Variants in TRIT1 observed in about 807,000 individuals in gnomAD.
TRIT1 encodes tRNA isopentenyltransferase 1.
A neutral mutation model predicts 51.2 loss-of-function variants in TRIT1; 43 were observed. The ratio of observed to expected loss-of-function variants is 0.84; its 90% CI spans 0.66 to 1.08. TRIT1 has a LOEUF of 1.08. Ranked by LOEUF, TRIT1 falls within the 50% of genes least tolerant of loss-of-function variation. TRIT1 has a pLI of 0.00. For synonymous variants in TRIT1, 184 were observed against 203.9 expected, an observed-to-expected ratio of 0.90 and a Z score of 0.83; for missense variants, 528 against 578.4, an observed-to-expected ratio of 0.91 and a Z score of 0.89.
intron 1 of TRIT1, among the ~76,000 whole-genome samples, chr1:39,873,421 C>G (rs1172918287): frequency 6.6e-6 from 1 of 152,064 alleles, no homozygotes; most frequent in Non-Finnish European, 1.5e-5. Flanking sequence ...TGACCAGTAC[C>G]CTTCAAAAGT....
chr1:39,870,658 T>C (rs1420611598), intron 1 of TRIT1, among the ~76,000 whole-genome samples: 4 of 135,352 alleles, frequency 3.0e-5, no homozygotes, highest in African/African-American at 5.3e-5. Context: ...CTGGAAATAA[T>C]ATAGAGATAC....
At chr1:39,852,200 C>A (rs1557543982) in intron 4 of TRIT1, among the ~76,000 whole-genome samples, 3 of 152,006 alleles carry the variant, frequency 2.0e-5, no homozygotes, top group Admixed American at 2.0e-4. Flanking sequence ...GAAAAATAAA[C>A]CTAACATGAG....
At chr1:39,865,574 C>T (rs533282993) in intron 1 of TRIT1, among the ~76,000 whole-genome samples, 47 of 147,338 alleles carry the variant, frequency 3.2e-4, no homozygotes, top group Non-Finnish European at 5.4e-4. Flanking sequence ...TGGTGGCTCA[C>T]GCCTGTAATC....
intron 3 of TRIT1, among the ~76,000 whole-genome samples, chr1:39,853,381 A>AT (rs141647325): frequency 6.7e-6 from 1 of 149,878 alleles, no homozygotes; most frequent in Admixed American, 6.6e-5. Context: ...AATTATACAT[A>AT]TTTTTTTCTT....
chr1:39,846,719 TGAG>T (rs1391452804), intron 8 of TRIT1, among the ~76,000 whole-genome samples: 1 of 152,212 alleles, frequency 6.6e-6, no homozygotes, highest in African/African-American at 2.4e-5. Context: ...GCCAAATCAA[TGAG>T]AATTTCCTTT....
At position 39,838,275 on chromosome 1, in the gene TRIT1, A is replaced by C. The variant is rs1307003601; in HGVS notation, c.*3469T>G. Among the ~76,000 whole-genome samples, 1 of 152,240 alleles carries C rather than the reference A, an allele frequency of 6.6e-6. No homozygotes were observed. The highest frequency in any genetic ancestry group is 1.5e-5 in the Non-Finnish European group (1 of 68,044). On this transcript the variant is annotated 3_prime_UTR_variant, in exon 11 of 11. Coordinates refer to ENST00000316891, the MANE Select transcript of TRIT1 (RefSeq NM_017646.6). ...AGAAATTCCTGCTGGTGGCTATCCC[A>C]AAATTTCTTCATCCTGGTTAAAAAG... is the stretch of plus-strand genomic sequence containing the variant.
At chr1:39,852,985 C>A in intron 3 of TRIT1, 109 bp from the exon 4 acceptor site, 4 of 1,251,672 alleles carry the variant, frequency 3.2e-6, no homozygotes, top group Non-Finnish European at 4.5e-6. Flanking sequence ...GAAGATCTTG[C>A]CATATAGTGA....
chr1:39,860,845 C>T (rs923686280), intron 1 of TRIT1, among the ~76,000 whole-genome samples: 11 of 152,136 alleles, frequency 7.2e-5, no homozygotes, highest in Non-Finnish European at 1.3e-4. Flanking sequence ...TCTGGGAGGC[C>T]GAGGCAGGCA....
At chr1:39,857,540 G>A in intron 1 of TRIT1, 123 bp from the exon 2 acceptor site, 2 of 1,068,906 alleles carry the variant, frequency 1.9e-6, no homozygotes, top group Non-Finnish European at 2.7e-6. Context: ...AAAGCACCAG[G>A]GTAGATGTAT....
intron 1 of TRIT1, among the ~76,000 whole-genome samples, chr1:39,874,979 C>T (rs962680281): frequency 2.6e-5 from 4 of 152,038 alleles, no homozygotes; most frequent in Non-Finnish European, 2.9e-5. Flanking sequence ...CCGCATGTCT[C>T]ATTTTTCTGA....
At chr1:39,860,492 TATA>T (rs1262690551) in intron 1 of TRIT1, among the ~76,000 whole-genome samples, 1 of 152,206 alleles carries the variant, frequency 6.6e-6, no homozygotes, top group Non-Finnish European at 1.5e-5. Flanking sequence ...AATTGGTAAA[TATA>T]ATGCAAATAT....
intron 1 of TRIT1, among the ~76,000 whole-genome samples, chr1:39,860,315 G>T (rs1643161491): frequency 6.6e-6 from 1 of 152,110 alleles, no homozygotes; most frequent in African/African-American, 2.4e-5. Flanking sequence ...TAAAGATGTG[G>T]GTGATACAGA....
At position 39,883,423 on chromosome 1, in the gene TRIT1, T is replaced by C; in HGVS notation, c.69A>G (p.Leu23=). The change falls in exon 1 of 11, where the codon CTA becomes CTG. Residue 23 remains leucine (L), a synonymous_variant. Transcript: ENST00000316891. ...GSGLRGLQRT[L]PLVVILGATG... ...TGGCCCCGAGAATCACTACAAGAGG[T>C]AGGGTCCGTTGCAGGCCCCTGAGCC... 3 of 1,613,534 alleles carry C rather than the reference T, an allele frequency of 1.9e-6. No individual in the cohort carries two copies. Among genetic ancestry groups the C allele is most frequent in the Non-Finnish European group, 2.5e-6 (3 of 1,179,774 alleles).
At chr1:39,846,173 C>T (rs1481862314) in intron 8 of TRIT1, among the ~76,000 whole-genome samples, 2 of 152,210 alleles carry the variant, frequency 1.3e-5, no homozygotes, top group Non-Finnish European at 2.9e-5. Flanking sequence ...AGCCTCTTCA[C>T]ACCAGAACTC....
intron 1 of TRIT1, among the ~76,000 whole-genome samples, chr1:39,876,560 A>ATCTATCTATCTATCTATCTATC (rs1557585424): frequency 3.6e-4 from 43 of 118,074 alleles, no homozygotes; most frequent in African/African-American, 6.6e-4. Flanking sequence ...ATCTATCTAT[A>ATCTATCTATCTATCTATCTATC]TATATATATG....
intron 3 of TRIT1, among the ~76,000 whole-genome samples, chr1:39,853,544 T>C (rs1323414120): frequency 1.3e-5 from 2 of 151,860 alleles, no homozygotes. Context: ...TACAGGTGCG[T>C]GCCACCATGC....
At position 39,841,700 on chromosome 1, in the gene TRIT1, A is replaced by C. The variant is rs781773936; in HGVS notation, c.*44T>G. On this transcript the variant is annotated 3_prime_UTR_variant, in exon 11 of 11. Coordinates refer to ENST00000316891, the MANE Select transcript of TRIT1 (RefSeq NM_017646.6). ...GAGACAAACATACCCCTCCCTCCTG[A>C]ACTGGATCCCCACCACCTTTCCAAA... 1 of 1,571,476 alleles carries C rather than the reference A, an allele frequency of 6.4e-7. No homozygotes were observed. The highest frequency in any genetic ancestry group is 2.3e-5 in the East Asian group (1 of 44,228).
rs1457905092 is a variant in TRIT1 at position 39,841,956 on chromosome 1, A to G, written c.1235-43T>C. 2.5e-6 allele frequency: 4 copies of G among 1,569,938 alleles called. No homozygotes were observed. In the African/African-American group the frequency reaches 4.1e-5, roughly 16 times the overall value. ...AACCAAACAAACAAAAAAACTCATT[A>G]GGAATTTTCTAGAATTAATCCTAGA... On this transcript the variant is annotated intron_variant, in intron 10 of 10. Transcript: ENST00000316891.
intron 5 of TRIT1, among the ~76,000 whole-genome samples, chr1:39,849,596 G>A (rs11206993): frequency 0.09 from 13,629 of 152,166 alleles, 1,228 homozygotes; most frequent in East Asian, 0.29. Context: ...ATTCCTTAAG[G>A]AAAGGCACTG....
Sources: allele counts gnomAD v4.1 joint callset (sites outside exome capture counted in the v4.1 genomes callset), GRCh38; gene constraint gnomAD v4.1.1; transcripts MANE v1.5; gene names NCBI Gene and HGNC (gene_info 2026-07-23, HGNC 2026-07-21).